CYP3A7: variants seen among roughly 807,000 people sequenced by gnomAD.
CYP3A7 encodes cytochrome P450 3A7.
A neutral mutation model predicts 55.2 loss-of-function variants in CYP3A7; 45 were observed. The ratio of observed to expected loss-of-function variants is 0.82; its 90% CI spans 0.64 to 1.05. CYP3A7 has a LOEUF of 1.05. CYP3A7 is among the 50% of genes least tolerant of loss of function. The pLI is 0.00. For synonymous variants in CYP3A7, 180 were observed against 207.4 expected (o/e 0.87, Z 1.13); for missense variants, 548 against 605.3 (o/e 0.91, Z 0.99).
chr7:99,729,085 C>T (rs1563028430), intron 2 of CYP3A7, among the ~76,000 whole-genome samples: 2 of 152,136 alleles, frequency 1.3e-5, no homozygotes, highest in African/African-American at 4.8e-5. Context: ...ACCAGCCAGG[C>T]AAATACTTAT....
intron 2 of CYP3A7, among the ~76,000 whole-genome samples, chr7:99,724,019 T>C (rs1322828100): frequency 6.6e-6 from 1 of 151,978 alleles, no homozygotes; most frequent in Non-Finnish European, 1.5e-5. Context: ...GTCACAAGTA[T>C]CACCTTCCCT....
At chr7:99,718,614 T>C (rs1814064927) in intron 4 of CYP3A7, among the ~76,000 whole-genome samples, 2 of 152,170 alleles carry the variant, frequency 1.3e-5, no homozygotes, top group Non-Finnish European at 2.9e-5. Context: ...AATGCTTCCT[T>C]CCTAATATTA....
intron 2 of CYP3A7, among the ~76,000 whole-genome samples, chr7:99,725,053 C>A (rs1231017187): frequency 6.6e-6 from 1 of 152,050 alleles, no homozygotes; most frequent in African/African-American, 2.4e-5. Flanking sequence ...AGATGGACTC[C>A]CCAGGTATAG....
At chr7:99,724,685 C>A (rs1326782407) in intron 2 of CYP3A7, among the ~76,000 whole-genome samples, 2 of 152,090 alleles carry the variant, frequency 1.3e-5, no homozygotes, top group Non-Finnish European at 2.9e-5. Flanking sequence ...AGTTTCATTC[C>A]GAGACTAGCC....
In CYP3A7 at chr7:99,720,450, C is replaced by T. The variant is rs374554025; in HGVS notation, c.219-38G>A. On this transcript the variant is annotated intron_variant, in intron 3 of 12. Transcript: ENST00000336374. ...AACAGAGTTGATTAAACATCAACAG[C>T]CTTATGCTACAGCTGGAGCCAAACC... 1.9e-6 allele frequency: 3 copies of T among 1,609,756 alleles called. No individual in the cohort carries two copies. In the East Asian group the frequency reaches 6.7e-5, roughly 36 times the overall value.
chr7:99,707,763 G>C, intron 12 of CYP3A7, 49 bp downstream of exon 12: 1 of 1,610,280 alleles, frequency 6.2e-7, no homozygotes, highest in Non-Finnish European at 8.5e-7. Flanking sequence ...AGACCATTCA[G>C]TTAAAATAAT....
chr7:99,718,519 T>G (rs1463377116), intron 4 of CYP3A7, among the ~76,000 whole-genome samples: 2 of 152,116 alleles, frequency 1.3e-5, no homozygotes, highest in African/African-American at 4.8e-5. Flanking sequence ...TTCAGCAAAC[T>G]AGGGAGAGAA....
chr7:99,724,142 TCACTATGGGCAACCTTCCAGCCTC>T (rs1277953591), intron 2 of CYP3A7, among the ~76,000 whole-genome samples: 1 of 152,154 alleles, frequency 6.6e-6, no homozygotes, highest in African/African-American at 2.4e-5. Flanking sequence ...CTTGCCCCCT[TCACTATGGGCAACCTTCCAGCCTC>T]CACTCCCTCT....
chr7:99,727,718 G>GC (rs1198938226), intron 2 of CYP3A7, among the ~76,000 whole-genome samples: 1 of 152,026 alleles, frequency 6.6e-6, no homozygotes, highest in Non-Finnish European at 1.5e-5. Context: ...CTACTGCTCT[G>GC]CCCCCCTCCA....
intron 1 of CYP3A7, among the ~76,000 whole-genome samples, chr7:99,732,376 T>G (rs960998607): frequency 2.6e-5 from 4 of 152,122 alleles, no homozygotes; most frequent in Admixed American, 2.6e-4. Flanking sequence ...CCTTTCTAAA[T>G]TACCCACCCT....
rs139519159 is a variant in CYP3A7 at position 99,714,755 on chromosome 7, T to C, written c.671-73A>G. Reference sequence around the variant, plus strand: ...AAAATTTACCTGGAGCAATTCTAATTTTCTCTACCAATCAGAAGAGTGAAA... The same window carrying C: ...AAAATTTACCTGGAGCAATTCTAATCTTCTCTACCAATCAGAAGAGTGAAA... On this transcript the variant is annotated intron_variant, in intron 7 of 12. Transcript: ENST00000336374. 3,146 of 1,582,188 alleles carry C rather than the reference T, an allele frequency of 2.0e-3. 61 individuals carry two copies. The African/African-American group carries it at 0.038, about 19-fold the overall frequency.
chr7:99,715,973 G>A (rs780436632), intron 6 of CYP3A7, 67 bp from the exon 7 acceptor site: 4 of 1,611,156 alleles, frequency 2.5e-6, no homozygotes, highest in Non-Finnish European at 3.4e-6. Context: ...TATGCGTGCA[G>A]CAGGAAATCC....
chr7:99,709,014 C>G (rs769720757), intron 11 of CYP3A7, 21 bp downstream of exon 11: 5 of 1,613,670 alleles, frequency 3.1e-6, no homozygotes, highest in African/African-American at 1.3e-5. Flanking sequence ...AGGGAGGGCT[C>G]CCTTCCCAGG....
intron 4 of CYP3A7, 118 bp downstream of exon 4, chr7:99,720,195 A>C: frequency 8.0e-7 from 1 of 1,249,122 alleles, no homozygotes; most frequent in Non-Finnish European, 1.1e-6. Context: ...GGCAGGATGA[A>C]GTGTACATGG....
Position 99,707,915 on chromosome 7 carries a change from C to T in CYP3A7, c.1313G>A (p.Gly438Glu), listed in dbSNP as rs752884887. The T allele has an allele frequency of 6.2e-7, 1 of 1,614,006 alleles. No individual in the cohort carries two copies. Among genetic ancestry groups the T allele is most frequent in the Non-Finnish European group, 8.5e-7 (1 of 1,179,914 alleles). ...CCTCATGCCAATGCAGTTTCTGGGTCCACTTCCAAAGGGTGTGTATATGTA... is the reference window on the plus strand; with the variant it reads ...CCTCATGCCAATGCAGTTTCTGGGTTCACTTCCAAAGGGTGTGTATATGTA... The part of the protein sequence containing the change: ...DPYIYTPFGS[G>E]PRNCIGMRFA... The change falls in exon 12 of 13, where the codon GGA (glycine) becomes GAA (glutamate). Residue 438 changes from glycine to glutamate, a missense_variant. Coordinates refer to ENST00000336374, the MANE Select transcript of CYP3A7 (RefSeq NM_000765.5).
intron 8 of CYP3A7, among the ~76,000 whole-genome samples, chr7:99,713,983 T>C (rs1813845341): frequency 6.6e-6 from 1 of 152,142 alleles, no homozygotes. Flanking sequence ...CCTGCAGATA[T>C]CTTTTGGCTG....
At chr7:99,708,577 T>C (rs1813612820) in intron 11 of CYP3A7, among the ~76,000 whole-genome samples, 1 of 152,164 alleles carries the variant, frequency 6.6e-6, no homozygotes, top group Non-Finnish European at 1.5e-5. Context: ...CATATGATGC[T>C]ACTGTATTGA....
intron 3 of CYP3A7, chr7:99,721,021 A>G (rs2687145): frequency 0.76 from 117,050 of 153,406 alleles, 47,646 homozygotes; most frequent in Non-Finnish European, 0.91. Flanking sequence ...CCTTCTCCCT[A>G]ATGCTTCTAG....
At chr7:99,729,968 A>T (rs976127810) in intron 2 of CYP3A7, among the ~76,000 whole-genome samples, 1 of 152,198 alleles carries the variant, frequency 6.6e-6, no homozygotes, top group Non-Finnish European at 1.5e-5. Context: ...GAGGGAAAAA[A>T]TATGAAATTC....
Sources: allele counts gnomAD v4.1 joint callset (sites outside exome capture counted in the v4.1 genomes callset), GRCh38; gene constraint gnomAD v4.1.1; transcripts MANE v1.5; gene names NCBI Gene and HGNC (gene_info 2026-07-23, HGNC 2026-07-21).